The following KLC1 variants were observed in gnomAD, a reference collection of about 807,000 sequenced individuals.
KLC1 encodes kinesin 2 60/70kDa.
In KLC1, 30 loss-of-function variants were observed where a neutral mutation model predicts 84.2. The ratio of observed to expected loss-of-function variants is 0.36; its 90% confidence interval spans 0.27 to 0.48. The LOEUF is 0.48. KLC1 is among the 20% of genes least tolerant of loss of function. KLC1 has a pLI of 0.99. For missense variants in KLC1, 499 were observed against 805.4 expected (o/e 0.62, Z 4.60); for synonymous variants, 289 against 293.3 (o/e 0.99, Z 0.15).
At chr14:103,646,166 T>G (rs577159164) in intron 1 of KLC1, among the ~76,000 whole-genome samples, 1 of 152,346 alleles carries the variant, frequency 6.6e-6, no homozygotes, top group African/African-American at 2.4e-5. Flanking sequence ...ATTGTAAATT[T>G]GTTAGTTTGC....
intron 2 of KLC1, among the ~76,000 whole-genome samples, chr14:103,655,243 A>G (rs780226195): frequency 2.0e-5 from 3 of 152,098 alleles, no homozygotes; most frequent in African/African-American, 7.2e-5. Context: ...AAAACAAAAC[A>G]AAACAGATCA....
intron 5 of KLC1, among the ~76,000 whole-genome samples, chr14:103,665,128 T>G (rs1453871307): frequency 1.3e-5 from 2 of 152,188 alleles, no homozygotes; most frequent in South Asian, 2.1e-4. Context: ...TATTTCATCA[T>G]TCTTGTATTA....
At chr14:103,679,632 C>T (rs2081194330) in intron 13 of KLC1, 87 bp downstream of exon 13, 2 of 947,310 alleles carry the variant, frequency 2.1e-6, no homozygotes, top group African/African-American at 3.3e-5. Flanking sequence ...ATGTGCTAGA[C>T]CTTCTGCTTT....
intron 4 of KLC1, 127 bp downstream of exon 4, chr14:103,662,321 G>C: frequency 1.2e-6 from 1 of 801,920 alleles, no homozygotes. Context: ...CCACCAGAGC[G>C]GGGTTGCCTT....
chr14:103,694,436 T>A lies in KLC1; in HGVS notation c.1848+2011T>A. 1.0e-6 allele frequency: 1 copy of A among 985,214 alleles called. No individual in the cohort carries two copies. The highest frequency in any genetic ancestry group is 1.2e-6 in the Non-Finnish European group (1 of 829,784). 61.0% of individuals were successfully genotyped at this position (985,214 alleles called of 1,614,324 possible). On this transcript the variant is annotated intron_variant, in intron 15 of 16. Coordinates refer to ENST00000334553, the MANE Select transcript of KLC1 (RefSeq NM_001394837.1). This position sits in a 1 kb window ranked among gnomAD's most constrained non-coding sequence, Gnocchi z 4.5. The stretch of plus-strand genomic sequence containing the variant: ...TCACAAGGTCAGGAGATCGAGACCA[T>A]CCTGGCTAACATGGCGTTTCACTTT...
chr14:103,655,347 G>A (rs1192347531), intron 2 of KLC1, among the ~76,000 whole-genome samples: 1 of 152,198 alleles, frequency 6.6e-6, no homozygotes, highest in Non-Finnish European at 1.5e-5. Context: ...TTGCTGCCCA[G>A]GCTGGAGTGC....
chr14:103,650,268 C>T (rs1282834289), intron 1 of KLC1, among the ~76,000 whole-genome samples: 7 of 152,140 alleles, frequency 4.6e-5, no homozygotes, highest in South Asian at 2.1e-4. Context: ...TTTCACTTGA[C>T]GTACAGGGAG....
At position 103,662,793 on chromosome 14, in the gene KLC1, C is replaced by T. The variant is rs747940915; in HGVS notation, c.663C>T (p.Ile221=). The T allele has an allele frequency of 2.1e-5, 34 of 1,612,670 alleles. No individual in the cohort carries two copies. Among genetic ancestry groups the T allele is most frequent in the South Asian group, 3.3e-5 (3 of 91,016 alleles). The stretch of plus-strand genomic sequence containing the variant: ...TGCGGACGCTCCACAACCTGGTGAT[C>T]CAGTACGCCTCGCAGGGGCGCTACG... ...ARLRTLHNLV[I]QYASQGRYEV... is the part of the protein sequence containing the mutation. Residue 221 remains isoleucine (I), a synonymous_variant, in exon 5 of 17, where the codon ATC becomes ATT. Transcript: ENST00000334553.
chr14:103,649,003 G>C (rs2078173733), intron 1 of KLC1, among the ~76,000 whole-genome samples: 1 of 151,870 alleles, frequency 6.6e-6, no homozygotes, highest in South Asian at 2.1e-4. Context: ...TGGGTATGGT[G>C]GTGCATGCCT....
chr14:103,682,108 C>T (rs1343023755), intron 13 of KLC1, among the ~76,000 whole-genome samples: 1 of 152,056 alleles, frequency 6.6e-6, no homozygotes, highest in Non-Finnish European at 1.5e-5. Flanking sequence ...CGGTGGCTCA[C>T]ACCTGTAATC....
intron 15 of KLC1, chr14:103,696,058 G>A (rs940020765): frequency 1.8e-5 from 18 of 982,144 alleles, no homozygotes; most frequent in Non-Finnish European, 2.2e-5. Context: ...GTCAGCACCT[G>A]TTTCTTCAGA....
intron 15 of KLC1, chr14:103,698,741 C>T (rs2082792212): frequency 6.7e-7 from 1 of 1,501,020 alleles, no homozygotes; most frequent in African/African-American, 1.4e-5. Flanking sequence ...GTTTTAAAGG[C>T]CCGAGCCCCG....
chr14:103,676,273 T>A (rs1335446774), intron 11 of KLC1, among the ~76,000 whole-genome samples: 3 of 151,900 alleles, frequency 2.0e-5, no homozygotes, highest in African/African-American at 7.3e-5. Context: ...CTTTCCACTC[T>A]ATTTTTTTTT....
chr14:103,697,940 G>C (rs563744794), intron 15 of KLC1: 1 of 152,792 alleles, frequency 6.5e-6, no homozygotes, highest in African/African-American at 2.4e-5. Context: ...ATACCACCCA[G>C]CCAGGCCAGG....
chr14:103,669,428 T>A, intron 5 of KLC1, 83 bp from the exon 6 acceptor site: 1 of 618,628 alleles, frequency 1.6e-6, no homozygotes, highest in Non-Finnish European at 2.5e-6. Context: ...AGTCAGACTC[T>A]GTCTAAAAAA....
At chr14:103,638,105 G>A (rs2077185428) in intron 1 of KLC1, among the ~76,000 whole-genome samples, 1 of 151,954 alleles carries the variant, frequency 6.6e-6, no homozygotes, top group African/African-American at 2.4e-5. Flanking sequence ...CTGTATATGG[G>A]GATGGGACCT....
chr14:103,661,032 A>C (rs1418288233), intron 3 of KLC1, among the ~76,000 whole-genome samples: 1 of 152,132 alleles, frequency 6.6e-6, no homozygotes, highest in Admixed American at 6.5e-5. Context: ...TACCCTTTCC[A>C]GAGTACTTAC....
chr14:103,631,410 T>C (rs2076678381), intron 1 of KLC1, among the ~76,000 whole-genome samples: 1 of 151,992 alleles, frequency 6.6e-6, no homozygotes, highest in Non-Finnish European at 1.5e-5. Context: ...ATTTATACAT[T>C]CTTAGGCATG....
At chr14:103,698,867 G>A in intron 15 of KLC1, 1 of 1,607,246 alleles carries the variant, frequency 6.2e-7, no homozygotes. Context: ...AGGAGGAGGG[G>A]GGCAGGTGGG....
Sources: allele counts gnomAD v4.1 joint callset (sites outside exome capture counted in the v4.1 genomes callset), GRCh38; gene constraint gnomAD v4.1.1; non-coding constraint Gnocchi (gnomAD v3.1); transcripts MANE v1.5; gene names NCBI Gene and HGNC (gene_info 2026-07-23, HGNC 2026-07-21).